The following FRMPD3 variants were observed in gnomAD, a reference collection of about 807,000 sequenced individuals.
FRMPD3 encodes the protein FERM and PDZ domain-containing protein 3.
In FRMPD3, 42 loss-of-function variants were observed where a neutral mutation model predicts 97.9. The observed-to-expected ratio is 0.43, with a 90% CI of 0.34 to 0.55. The LOEUF (loss-of-function observed/expected upper bound fraction) is 0.55. Among genes scored for constraint, FRMPD3 ranks in the 20% least tolerant of loss-of-function variants. The probability of loss-of-function intolerance (pLI) is 0.03; values close to 1 mark genes in which losing one functional copy is unlikely to be tolerated. For synonymous variants in FRMPD3, 577 were observed against 581.1 expected (o/e 0.99, Z 0.10); for missense variants, 1,303 against 1,457.7 (o/e 0.89, Z 1.73).
chrX:107,509,741 T>C (rs952865052), intron 1 of FRMPD3, among the ~76,000 whole-genome samples: 1 of 110,609 alleles, frequency 9.0e-6, no homozygotes, highest in Non-Finnish European at 1.9e-5. Flanking sequence ...TAGTCTCTTC[T>C]GTGCTTACAT....
At position 107,522,473 on chromosome X, in the gene FRMPD3, G is replaced by C. The variant is rs774264890; in HGVS notation, c.-7-4109G>C. Reference sequence around the variant, plus strand: ...CAATGGAGACTCTGGATAGCCAGAGGGTCCAGGACCGTGAGTGGGAGCAGG... The same window carrying C: ...CAATGGAGACTCTGGATAGCCAGAGCGTCCAGGACCGTGAGTGGGAGCAGG... On this transcript the variant is annotated intron_variant, in intron 1 of 14. Transcript: ENST00000683843. 3.8e-5 allele frequency: 21 copies of C among 552,327 alleles called. No individual in the cohort carries two copies. The Admixed American group carries it at 4.5e-4, about 12-fold the overall frequency. 45.5% of individuals were successfully genotyped at this position (552,327 alleles called of 1,213,427 possible). A position where few individuals can be genotyped will look rare whatever the true frequency, so the allele number is the denominator to read the frequency against.
At chrX:107,544,472 A>C (rs1305497287) in intron 4 of FRMPD3, 2 of 111,864 alleles carry the variant, frequency 1.8e-5, no homozygotes, top group Non-Finnish European at 3.8e-5. Flanking sequence ...TGCTACCTAA[A>C]AGATATTTAT....
intron 6 of FRMPD3, among the ~76,000 whole-genome samples, chrX:107,552,118 C>A (rs1175334489): frequency 1.8e-5 from 2 of 111,437 alleles, no homozygotes; most frequent in African/African-American, 3.3e-5. Flanking sequence ...TTTTCAGACA[C>A]CCTAATATTA....
intron 1 of FRMPD3, among the ~76,000 whole-genome samples, chrX:107,453,192 CA>C (rs1421500449): frequency 9.0e-6 from 1 of 111,313 alleles, no homozygotes; most frequent in African/African-American, 3.3e-5. Context: ...GACACACATA[CA>C]TACACATACA....
chrX:107,547,162 C>T (rs1033431084), intron 5 of FRMPD3, among the ~76,000 whole-genome samples: 1 of 111,765 alleles, frequency 8.9e-6, no homozygotes, highest in Admixed American at 9.5e-5. Context: ...CAGGGTGAAA[C>T]AGACCCCGAG....
chrX:107,494,503 T>C (rs1326642316), intron 1 of FRMPD3, among the ~76,000 whole-genome samples: 2 of 111,982 alleles, frequency 1.8e-5, no homozygotes, highest in Admixed American at 9.5e-5. Flanking sequence ...CAATCCACAA[T>C]TGGCGTGTTC....
In FRMPD3 at chrX:107,604,300, A is replaced by C. The variant is rs1160020893; in HGVS notation, c.*927A>C. On this transcript the variant is annotated 3_prime_UTR_variant, in exon 15 of 15. Coordinates refer to ENST00000683843, the MANE Select transcript of FRMPD3 (RefSeq NM_001388459.1). ...GGGGAGGGGGGTGGGGGGAGGGGGG[A>C]AAGGGGTAGGGGTGGGGGGTGTTGA... The C allele has an allele frequency of 6.1e-5, 1 of 16,483 alleles. No individual in the cohort carries two copies. The highest frequency in any genetic ancestry group is 1.1e-4 in the Non-Finnish European group (1 of 9,308). The allele number at this position is 16,483 out of a possible 1,213,427, so 1.4% of individuals were successfully genotyped here. A position where few individuals can be genotyped will look rare whatever the true frequency, so the allele number is the denominator to read the frequency against.
At chrX:107,594,748 G>T (rs770772240) in intron 13 of FRMPD3, among the ~76,000 whole-genome samples, 9 of 111,336 alleles carry the variant, frequency 8.1e-5, no homozygotes, top group Non-Finnish European at 1.7e-4. Flanking sequence ...AGACATGGTG[G>T]CACATGCTTA....
chrX:107,586,964 T>C (rs1056403244), intron 13 of FRMPD3, among the ~76,000 whole-genome samples: 1 of 112,125 alleles, frequency 8.9e-6, no homozygotes, highest in Admixed American at 9.5e-5. Context: ...GTCTATTAGG[T>C]CCACTTGATC....
At chrX:107,600,158 G>T in intron 14 of FRMPD3, 145 bp from the exon 15 acceptor site, 1 of 691,731 alleles carries the variant, frequency 1.4e-6, no homozygotes, top group Non-Finnish European at 2.1e-6. Flanking sequence ...ATGCCATTTC[G>T]TATCAGGGAC....
chrX:107,600,239 C>T lies in FRMPD3; in HGVS notation c.2264-64C>T, dbSNP rs771541831. 9.6e-5 allele frequency: 108 copies of T among 1,120,959 alleles called. No homozygotes were observed. In the African/African-American group the frequency reaches 1.4e-3, roughly 14 times the overall value. The allele number at this position is 1,120,959 out of a possible 1,213,427, so 92.4% of individuals were successfully genotyped here. On this transcript the variant is annotated intron_variant, in intron 14 of 14. Coordinates refer to ENST00000683843, the MANE Select transcript of FRMPD3 (RefSeq NM_001388459.1). Reference sequence around the variant, plus strand: ...TCGCCCATGAATACCGAGGGACAACCGTGTAGAGCTGGAAAAGAACTTGAT... The same window carrying T: ...TCGCCCATGAATACCGAGGGACAACTGTGTAGAGCTGGAAAAGAACTTGAT...
intron 1 of FRMPD3, chrX:107,513,325 A>G (rs1373923480): frequency 3.6e-5 from 4 of 111,601 alleles, no homozygotes; most frequent in Non-Finnish European, 7.5e-5. Context: ...TTGCAGGGCC[A>G]TGAAGACCTG....
intron 13 of FRMPD3, among the ~76,000 whole-genome samples, chrX:107,583,557 A>T (rs1923497657): frequency 8.9e-6 from 1 of 112,086 alleles, no homozygotes; most frequent in Non-Finnish European, 1.9e-5. Context: ...ATACGTGTGC[A>T]TGTATCTTTA....
At chrX:107,541,058 G>A (rs1029993050) in intron 4 of FRMPD3, among the ~76,000 whole-genome samples, 1 of 113,123 alleles carries the variant, frequency 8.8e-6, no homozygotes, top group African/African-American at 3.2e-5. Context: ...GAAGATCACG[G>A]CTGTGTTCCA....
At chrX:107,560,149 A>G in intron 8 of FRMPD3, 108 bp from the exon 9 acceptor site, 1 of 956,915 alleles carries the variant, frequency 1.0e-6, no homozygotes, top group Non-Finnish European at 1.5e-6. Flanking sequence ...TTGATCTAGC[A>G]TGCCTTACTG....
chrX:107,601,300 A>G lies in FRMPD3; in HGVS notation c.3261A>G (p.Pro1087=). Residue 1087 remains proline (P), a synonymous_variant, in exon 15 of 15, where the codon CCA becomes CCG. Transcript: ENST00000683843. ...ATGEVAGKGG[P]VGGKPTLQKQ... is the part of the protein sequence containing the mutation. The stretch of plus-strand genomic sequence containing the variant: ...GGGAGGTGGCAGGCAAAGGCGGGCC[A>G]GTGGGTGGTAAGCCCACCCTGCAGA... The G allele has an allele frequency of 8.3e-7, 1 of 1,208,412 alleles. No individual in the cohort carries two copies. The highest frequency in any genetic ancestry group is 1.1e-6 in the Non-Finnish European group (1 of 893,496).
intron 1 of FRMPD3, among the ~76,000 whole-genome samples, chrX:107,512,663 CTTTCAGAAT>C (rs1227319199): frequency 2.7e-5 from 3 of 111,601 alleles, no homozygotes; most frequent in Non-Finnish European, 5.6e-5. Context: ...ATCTCTGCCT[CTTTCAGAAT>C]TAGTTGGTGT....
intron 1 of FRMPD3, among the ~76,000 whole-genome samples, chrX:107,524,642 T>C (rs1244134092): frequency 1.8e-5 from 2 of 112,765 alleles, no homozygotes; most frequent in African/African-American, 6.4e-5. Context: ...ATAAATAACC[T>C]AAATGGTTTG....
At chrX:107,548,809 A>T (rs1921729125) in intron 5 of FRMPD3, among the ~76,000 whole-genome samples, 1 of 112,024 alleles carries the variant, frequency 8.9e-6, no homozygotes, top group Non-Finnish European at 1.9e-5. Flanking sequence ...GCACCACTGC[A>T]CTCCAGCCTA....
Sources: allele counts gnomAD v4.1 joint callset (sites outside exome capture counted in the v4.1 genomes callset), GRCh38; gene constraint gnomAD v4.1.1; transcripts MANE v1.5; gene names NCBI Gene and HGNC (gene_info 2026-07-23, HGNC 2026-07-21).